LZTFL1: variants seen among roughly 807,000 people sequenced by gnomAD.
The protein encoded by LZTFL1 is leucine zipper transcription factor-like protein 1.
LZTFL1 carries 25 observed loss-of-function variants against 45.9 expected under a neutral mutation model. That is an observed-to-expected ratio of 0.54 (90% CI 0.40 to 0.76). The LOEUF (loss-of-function observed/expected upper bound fraction) is 0.76. LZTFL1 is among the 30% of genes least tolerant of loss of function. The probability of loss-of-function intolerance (pLI) is 0.00; values close to 1 mark genes in which losing one functional copy is unlikely to be tolerated. For synonymous variants in LZTFL1, 93 were observed against 117.4 expected, an observed-to-expected ratio of 0.79 and a Z score of 1.35; for missense variants, 277 against 331.1, an observed-to-expected ratio of 0.84 and a Z score of 1.27.
At chr3:45,870,890 A>G (rs758622538) in intron 2 of LZTFL1, among the ~76,000 whole-genome samples, 4 of 152,200 alleles carry the variant, frequency 2.6e-5, no homozygotes, top group Non-Finnish European at 5.9e-5. Context: ...AAACATGTAT[A>G]TGTTCCCAGA....
chr3:45,900,956 G>A lies in LZTFL1; in HGVS notation c.-215+12164C>T. The A allele has an allele frequency of 1.2e-6, 2 of 1,614,162 alleles. No individual in the cohort carries two copies. Among genetic ancestry groups the A allele is most frequent in the Non-Finnish European group, 1.7e-6 (2 of 1,180,026 alleles). On this transcript the variant is annotated intron_variant, in intron 2 of 4. Transcript: ENST00000472635. This position sits in a 1 kb window ranked among gnomAD's most constrained non-coding sequence, Gnocchi z 4.7. ...GCCATTTCCTCCCACCCTTGTACTG[G>A]CTCGTGTTCATCGTGGGTGCCTTGG...
Position 45,871,320 on chromosome 3 carries a change from A to G in LZTFL1, c.-214-12304T>C, listed in dbSNP as rs532940267. On this transcript the variant is annotated intron_variant, in intron 2 of 4. Coordinates refer to the LZTFL1 transcript ENST00000472635. ...TGGCTGAACCCATTTTTGCACCCTCAGGAATGGGTGAGAGGCCATGATTCC... is the reference window on the plus strand; with the variant it reads ...TGGCTGAACCCATTTTTGCACCCTCGGGAATGGGTGAGAGGCCATGATTCC... Among the ~76,000 whole-genome samples the G allele has an allele frequency of 1.6e-4, 25 of 152,330 alleles. No individual in the cohort carries two copies. The East Asian group carries it at 4.8e-3, about 29-fold the overall frequency.
At chr3:45,874,281 C>T (rs967368920) in intron 2 of LZTFL1, among the ~76,000 whole-genome samples, 8 of 152,102 alleles carry the variant, frequency 5.3e-5, no homozygotes, top group Non-Finnish European at 7.4e-5. Context: ...CTTCCAGTGG[C>T]CATTTGGGGT....
intron 6 of LZTFL1, 29 bp downstream of exon 6, chr3:45,831,044 A>G (rs763884321): frequency 6.2e-7 from 1 of 1,606,980 alleles, no homozygotes; most frequent in South Asian, 1.1e-5. Flanking sequence ...AGGCAGTTCA[A>G]TAATTGTGTC....
intron 7 of LZTFL1, among the ~76,000 whole-genome samples, chr3:45,829,634 A>G (rs2125678423): frequency 6.9e-6 from 1 of 145,924 alleles, no homozygotes; most frequent in Non-Finnish European, 1.5e-5. Flanking sequence ...AAAAAAAAGT[A>G]CTTTCAACAG....
chr3:45,915,554 C>T (rs565148902), exon 1 of LZTFL1: 3 of 456,338 alleles, frequency 6.6e-6, no homozygotes, highest in South Asian at 3.1e-5. Flanking sequence ...TCTATGGACC[C>T]ACAGGCCCGA....
rs769734754 is a variant in LZTFL1 at position 45,841,995 on chromosome 3, G to C, written c.-4C>G. 1.2e-6 allele frequency: 2 copies of C among 1,610,666 alleles called. No homozygotes were observed. The highest frequency in any genetic ancestry group is 1.1e-5 in the South Asian group (1 of 90,870). On this transcript the variant is annotated 5_prime_UTR_variant, in exon 1 of 10. Coordinates refer to ENST00000296135, the MANE Select transcript of LZTFL1 (RefSeq NM_020347.4). ...CTGAGGGTCGGTTACTCACCATGGC[G>C]GCAGGCAGCGGCGGCAGCCTAAAGG...
intron 5 of LZTFL1, among the ~76,000 whole-genome samples, chr3:45,832,007 G>A (rs533657801): frequency 3.3e-5 from 5 of 152,088 alleles, no homozygotes; most frequent in Non-Finnish European, 5.9e-5. Context: ...AGGCCGAGGC[G>A]GGCGTATCAC....
At chr3:45,848,454 T>C (rs532950894) in intron 4 of LZTFL1, among the ~76,000 whole-genome samples, 1 of 152,334 alleles carries the variant, frequency 6.6e-6, no homozygotes, top group Admixed American at 6.5e-5. Flanking sequence ...GCTTACAGTA[T>C]TGCGCTACAC....
intron 2 of LZTFL1, among the ~76,000 whole-genome samples, chr3:45,865,577 G>A (rs1018257114): frequency 5.3e-5 from 8 of 152,192 alleles, no homozygotes; most frequent in Admixed American, 2.0e-4. Context: ...AAAAGGGAAC[G>A]TTCACTTTTC....
At chr3:45,828,287 G>T in intron 8 of LZTFL1, 152 bp downstream of exon 8, 1 of 642,300 alleles carries the variant, frequency 1.6e-6, no homozygotes, top group Non-Finnish European at 2.6e-6. Context: ...GCCCGGAAAT[G>T]ATTAATCTTT....
chr3:45,888,825 G>C lies in LZTFL1; in HGVS notation c.-215+24295C>G, dbSNP rs187901115. ...TGAAAGAGAAATAGATGGCAAGGCT[G>C]TCTGTGGAGGTTCTAGATGTGGGCT... On this transcript the variant is annotated intron_variant, in intron 2 of 4. Coordinates refer to the LZTFL1 transcript ENST00000472635. Among the ~76,000 whole-genome samples, 735 of 152,230 alleles carry C rather than the reference G, an allele frequency of 4.8e-3. 5 individuals are homozygous for C. Among genetic ancestry groups the C allele is most frequent in the African/African-American group, 0.016 (682 of 41,514 alleles).
At chr3:45,881,059 T>A (rs1392910707) in intron 2 of LZTFL1, among the ~76,000 whole-genome samples, 1 of 152,198 alleles carries the variant, frequency 6.6e-6, no homozygotes, top group Non-Finnish European at 1.5e-5. Flanking sequence ...CATTAATAGA[T>A]GAGACAAATA....
intron 7 of LZTFL1, 33 bp from the exon 8 acceptor site, chr3:45,828,648 T>C: frequency 6.6e-7 from 1 of 1,506,034 alleles, no homozygotes; most frequent in South Asian, 1.2e-5. Flanking sequence ...TGTAATTTCA[T>C]GTTGATATTC....
upstream of LZTFL1, among the ~76,000 whole-genome samples, chr3:45,842,826 A>G (rs1701153853): frequency 6.6e-6 from 1 of 152,202 alleles, no homozygotes; most frequent in African/African-American, 2.4e-5. Flanking sequence ...TGGGATCTGC[A>G]CTTTTTAACC....
chr3:45,888,559 T>C (rs1425167923), intron 2 of LZTFL1, among the ~76,000 whole-genome samples: 1 of 152,232 alleles, frequency 6.6e-6, no homozygotes, highest in Non-Finnish European at 1.5e-5. Context: ...GGATGGCCCA[T>C]GGCACCTGCA....
At chr3:45,847,727 C>T (rs143495282) in intron 4 of LZTFL1, among the ~76,000 whole-genome samples, 1 of 152,310 alleles carries the variant, frequency 6.6e-6, no homozygotes, top group African/African-American at 2.4e-5. Flanking sequence ...TCAGAGATTG[C>T]AGCTTTATAG....
chr3:45,897,844 A>C (rs923083796), intron 2 of LZTFL1, among the ~76,000 whole-genome samples: 7 of 152,048 alleles, frequency 4.6e-5, no homozygotes, highest in African/African-American at 1.7e-4. Flanking sequence ...GCAGGAGGAG[A>C]GCAGGCTTGC....
chr3:45,841,174 T>A (rs2125693885), intron 1 of LZTFL1, among the ~76,000 whole-genome samples: 1 of 152,320 alleles, frequency 6.6e-6, no homozygotes, highest in East Asian at 1.9e-4. Context: ...CTCACAGGTG[T>A]CTTCTCAGCT....
Sources: allele counts gnomAD v4.1 joint callset (sites outside exome capture counted in the v4.1 genomes callset), GRCh38; gene constraint gnomAD v4.1.1; non-coding constraint Gnocchi (gnomAD v3.1); transcripts MANE v1.5; gene names NCBI Gene and HGNC (gene_info 2026-07-23, HGNC 2026-07-21).